The following RBMS3 variants were observed in gnomAD, a reference collection of about 807,000 sequenced individuals.
RBMS3 encodes the protein RNA binding motif single stranded interacting protein 3.
In RBMS3, 27 loss-of-function variants were observed where a neutral mutation model predicts 66.8. That is an observed-to-expected ratio of 0.40 (90% confidence interval 0.30 to 0.56). The LOEUF (loss-of-function observed/expected upper bound fraction) is 0.56. Ranked by LOEUF, RBMS3 falls within the 20% of genes least tolerant of loss-of-function variation. The probability of loss-of-function intolerance (pLI) is 0.40; values close to 1 mark genes in which losing one functional copy is unlikely to be tolerated. For synonymous variants in RBMS3, 188 were observed against 183.0 expected, an observed-to-expected ratio of 1.03 and a Z score of -0.22; for missense variants, 513 against 549.5, an observed-to-expected ratio of 0.93 and a Z score of 0.66.
intron 6 of RBMS3, among the ~76,000 whole-genome samples, chr3:29,781,831 G>A (rs1161698533): frequency 6.6e-6 from 1 of 152,020 alleles, no homozygotes; most frequent in Non-Finnish European, 1.5e-5. Context: ...ACCGTGGGCT[G>A]TGTGGGAGAG....
At chr3:29,910,305 C>A (rs1401155760) in intron 10 of RBMS3, among the ~76,000 whole-genome samples, 1 of 152,002 alleles carries the variant, frequency 6.6e-6, no homozygotes, top group Non-Finnish European at 1.5e-5. Flanking sequence ...TCGTGGAAAT[C>A]ACTGAAGGAT....
chr3:29,717,656 C>T (rs1559601200), intron 4 of RBMS3, among the ~76,000 whole-genome samples: 1 of 151,876 alleles, frequency 6.6e-6, no homozygotes, highest in Non-Finnish European at 1.5e-5. Context: ...GTAATGAAGC[C>T]GTTGATCCAT....
At chr3:29,829,396 T>C (rs1023123580) in intron 6 of RBMS3, among the ~76,000 whole-genome samples, 1 of 152,160 alleles carries the variant, frequency 6.6e-6, no homozygotes, top group African/African-American at 2.4e-5. Flanking sequence ...TTTACTCATG[T>C]CTTGATGTAA....
At chr3:29,436,340 C>G (rs1275055898) in intron 2 of RBMS3, among the ~76,000 whole-genome samples, 1 of 152,110 alleles carries the variant, frequency 6.6e-6, no homozygotes, top group African/African-American at 2.4e-5. Context: ...ACAGTAGGTA[C>G]ATTAGGGTTG....
intron 6 of RBMS3, among the ~76,000 whole-genome samples, chr3:29,835,045 T>A (rs1025680746): frequency 1.3e-5 from 2 of 151,916 alleles, no homozygotes. Flanking sequence ...ACAATAAAGG[T>A]CACTGTATAA....
At chr3:29,482,770 C>T (rs1266006715) in intron 2 of RBMS3, among the ~76,000 whole-genome samples, 7 of 128,478 alleles carry the variant, frequency 5.4e-5, no homozygotes, top group Admixed American at 4.9e-4. Context: ...TGCAGTGGCA[C>T]GATCTCGGCT....
At chr3:29,476,482 A>T (rs999956280) in intron 2 of RBMS3, among the ~76,000 whole-genome samples, 1 of 152,218 alleles carries the variant, frequency 6.6e-6, no homozygotes, top group African/African-American at 2.4e-5. Flanking sequence ...GATTTATGCG[A>T]TTATGAATTA....
At chr3:29,587,245 TTTTTGTGTGTGTG>T in intron 4 of RBMS3, 40 bp downstream of exon 4, 11 of 803,848 alleles carry the variant, frequency 1.4e-5, no homozygotes, top group South Asian at 2.2e-5. Context: ...TTTTTTTTTT[TTTTTGTGTGTGTG>T]TGTGTGTGTG....
chr3:29,687,094 T>C (rs2051765795), intron 4 of RBMS3, among the ~76,000 whole-genome samples: 1 of 152,200 alleles, frequency 6.6e-6, no homozygotes, highest in South Asian at 2.1e-4. Context: ...GTTTTCTTTA[T>C]GTGTGGTTTC....
rs113303835 is a variant in RBMS3, at chr3:29,563,405, A to G, written c.308-23709A>G. On this transcript the variant is annotated intron_variant, in intron 3 of 14. Transcript: ENST00000383767. The stretch of plus-strand genomic sequence containing the variant: ...CAGCATGGGTCTGTTCATTTATTCA[A>G]CCAATATTTCTTTAGTACCTGCCAC... Among the ~76,000 whole-genome samples the G allele has an allele frequency of 5.3e-3, 804 of 152,242 alleles. 5 individuals are homozygous for G. The highest frequency in any genetic ancestry group is 0.017 in the African/African-American group (719 of 41,548).
Position 29,650,234 on chromosome 3 carries a change from C to G in RBMS3, c.399+63029C>G, listed in dbSNP as rs184272997. Among the ~76,000 whole-genome samples the G allele has an allele frequency of 1.1e-3, 163 of 151,338 alleles. 1 individual carries two copies. The highest frequency in any genetic ancestry group is 3.7e-3 in the African/African-American group (154 of 41,230). ...TATTTGAATTCTTTCTATGAGATGC[C>G]TAGGCAATCTTTTAAACCCAAATAA... On this transcript the variant is annotated intron_variant, in intron 4 of 14. Transcript: ENST00000383767.
chr3:29,775,602 TAAG>T (rs1163643347), intron 6 of RBMS3, among the ~76,000 whole-genome samples: 1 of 152,076 alleles, frequency 6.6e-6, no homozygotes, highest in Admixed American at 6.6e-5. Context: ...GTTATCATCA[TAAG>T]AACTATTCTG....
At position 29,711,248 on chromosome 3, in the gene RBMS3, T is replaced by C. The variant is rs114664989; in HGVS notation, c.400-28472T>C. Among the ~76,000 whole-genome samples the C allele has an allele frequency of 1.4e-3, 219 of 152,286 alleles. 2 individuals are homozygous for C. The highest frequency in any genetic ancestry group is 5.0e-3 in the African/African-American group (208 of 41,564). Reference sequence around the variant, plus strand: ...AGGTCTTATTGTACTGTACCTTAGGTAACTGAAACTGTGCAAAGTGAAATC... The same window carrying C: ...AGGTCTTATTGTACTGTACCTTAGGCAACTGAAACTGTGCAAAGTGAAATC... On this transcript the variant is annotated intron_variant, in intron 4 of 14. Coordinates refer to ENST00000383767, the MANE Select transcript of RBMS3 (RefSeq NM_001003793.3).
chr3:29,857,649 A>G (rs552922473), intron 6 of RBMS3, among the ~76,000 whole-genome samples: 5 of 151,504 alleles, frequency 3.3e-5, no homozygotes, highest in African/African-American at 1.2e-4. Context: ...GTCTGTCTAC[A>G]TTTATTTAAT....
At chr3:29,565,336 G>A (rs1413198579) in intron 3 of RBMS3, among the ~76,000 whole-genome samples, 1 of 152,122 alleles carries the variant, frequency 6.6e-6, no homozygotes, top group Non-Finnish European at 1.5e-5. Flanking sequence ...TTGTGACACT[G>A]TTTGTGAATT....
chr3:29,862,202 G>A (rs115306548), intron 6 of RBMS3, among the ~76,000 whole-genome samples: 3 of 152,274 alleles, frequency 2.0e-5, no homozygotes, highest in Non-Finnish European at 4.4e-5. Flanking sequence ...ATCACCTGGG[G>A]ATCTGGTTAA....
intron 1 of RBMS3, among the ~76,000 whole-genome samples, chr3:29,315,733 G>T (rs1261727006): frequency 6.6e-6 from 1 of 151,632 alleles, no homozygotes; most frequent in Non-Finnish European, 1.5e-5. Flanking sequence ...GAACACACTA[G>T]TTGCTATATT....
At chr3:29,484,143 A>G (rs2125824793) in intron 2 of RBMS3, among the ~76,000 whole-genome samples, 1 of 152,330 alleles carries the variant, frequency 6.6e-6, no homozygotes. Context: ...GTGCAAAATC[A>G]TTGAGCAAAG....
intron 1 of RBMS3, among the ~76,000 whole-genome samples, chr3:29,285,598 G>C (rs1431376445): frequency 1.3e-5 from 2 of 152,102 alleles, no homozygotes; most frequent in Non-Finnish European, 2.9e-5. Flanking sequence ...AAGAGGTTCA[G>C]ACTAGTGGAC....
Sources: gnomAD v4.1 joint callset for allele counts (sites outside exome capture counted in the v4.1 genomes callset) on GRCh38, gnomAD v4.1.1 for gene constraint, MANE v1.5 for transcripts, NCBI Gene and HGNC (gene_info 2026-07-23, HGNC 2026-07-21) for gene names.